MTRR: variants seen among roughly 807,000 people sequenced by gnomAD.
MTRR encodes the protein methionine synthase reductase.
MTRR carries 63 observed loss-of-function variants against 79.2 expected under a neutral mutation model. The ratio of observed to expected loss-of-function variants is 0.80; its 90% confidence interval spans 0.65 to 0.98. MTRR has a LOEUF of 0.98. MTRR is among the 50% of genes least tolerant of loss of function. The pLI is 0.00. For synonymous variants in MTRR, 355 were observed against 313.3 expected (o/e 1.13, Z -1.41); for missense variants, 895 against 839.6 (o/e 1.07, Z -0.82).
upstream of MTRR, among the ~76,000 whole-genome samples, chr5:7,865,441 T>C (rs1220757307): frequency 6.6e-6 from 1 of 152,190 alleles, no homozygotes; most frequent in Non-Finnish European, 1.5e-5. Flanking sequence ...TATAGGTCTT[T>C]ATGGGAAGAG....
rs150411351 is a variant in MTRR at position 7,892,893 on chromosome 5, G to A, written c.1537G>A (p.Gly513Arg). 1.2e-4 allele frequency: 192 copies of A among 1,614,120 alleles called. No homozygotes were observed. The highest frequency in any genetic ancestry group is 6.0e-4 in the South Asian group (55 of 91,084). The change falls in exon 11 of 15, where the codon GGG becomes AGG. Residue 513 changes from glycine to arginine, a missense_variant. Gly to Arg is a moderately radical substitution (Grantham distance 125). Coordinates refer to ENST00000440940, the MANE Select transcript of MTRR (RefSeq NM_002454.3). The stretch of plus-strand genomic sequence containing the variant: ...CATACATGCATCCCATGAAGACAGC[G>A]GGAAAGCCCTGGCTCCTAAGGTAAG... ...PNIHASHEDS[G>R]KALAPKISIS... is the part of the protein sequence containing the mutation.
chr5:7,885,682 C>CTTTTTTTTTTT lies in MTRR; in HGVS notation c.904-19_904-18insTTTTTTTTTTT. ...CACGTATAATGTATTTTTTTTTTTT[C>CTTTTTTTTTTT]ATTTTGGCTCTTCTCTAGAATACAG... On this transcript the variant is annotated intron_variant, in intron 6 of 14. Coordinates refer to ENST00000440940, the MANE Select transcript of MTRR (RefSeq NM_002454.3). 1.5e-6 allele frequency: 2 copies of CTTTTTTTTTTT among 1,363,624 alleles called. No individual in the cohort carries two copies. Among genetic ancestry groups the CTTTTTTTTTTT allele is most frequent in the Middle Eastern group, 1.9e-4 (1 of 5,268 alleles). The allele number at this position is 1,363,624 out of a possible 1,614,324, so 84.5% of individuals were successfully genotyped here.
upstream of MTRR, chr5:7,851,091 T>C: frequency 8.1e-7 from 1 of 1,231,550 alleles, no homozygotes; most frequent in Non-Finnish European, 1.0e-6. Flanking sequence ...AGTCGGAGTC[T>C]GCAGGCCTCA....
At chr5:7,863,252 G>A (rs796303270) in intron 2 of MTRR, 44 of 426,010 alleles carry the variant, frequency 1.0e-4, no homozygotes, top group African/African-American at 8.1e-4. Context: ...AGAAAGAAAA[G>A]TAAAGAAGGA....
Position 7,888,789 on chromosome 5 carries a change from G to A in MTRR, c.1147-306G>A, listed in dbSNP as rs536162662. Among the ~76,000 whole-genome samples the A allele has an allele frequency of 7.2e-5, 11 of 152,282 alleles. 1 individual carries two copies. In the South Asian group the frequency reaches 2.3e-3, roughly 32 times the overall value. On this transcript the variant is annotated intron_variant, in intron 8 of 14. Coordinates refer to ENST00000440940, the MANE Select transcript of MTRR (RefSeq NM_002454.3). Reference sequence around the variant, plus strand: ...TATGTCTGCCTGTAATTAATAACTTGTAATTGCATTGAAATAAAAAATTCT... The same window carrying A: ...TATGTCTGCCTGTAATTAATAACTTATAATTGCATTGAAATAAAAAATTCT...
rs1736848012 is a variant in MTRR, at chr5:7,887,812, AT to A, written c.1146+1110del. Among the ~76,000 whole-genome samples, 7 of 43,380 alleles carry A rather than the reference AT, an allele frequency of 1.6e-4. 1 individual carries two copies. 28.5% of individuals were successfully genotyped at this position (43,380 alleles called of 152,430 possible). A position where few individuals can be genotyped will look rare whatever the true frequency, so the allele number is the denominator to read the frequency against. On this transcript the variant is annotated intron_variant, in intron 8 of 14. Transcript: ENST00000440940. ...TGTGTGCATATATATATATATATAT[AT>A]ATATATATATATATATATGGGTTTT...
At position 7,900,224 on chromosome 5, in the gene MTRR, G is replaced by A. The variant is rs369622221; in HGVS notation, c.*166G>A. ...ATTTAACAATATAACAAAACTTCCT[G>A]ATTTGATTTTACGTATCTTCTATCT... On this transcript the variant is annotated 3_prime_UTR_variant, in exon 15 of 15. Transcript: ENST00000440940. 42 of 795,166 alleles carry A rather than the reference G, an allele frequency of 5.3e-5. 2 individuals carry two copies. Among genetic ancestry groups the A allele is most frequent in the East Asian group, 2.7e-4 (10 of 36,718 alleles). 49.3% of individuals were successfully genotyped at this position (795,166 alleles called of 1,614,324 possible).
At chr5:7,892,940 C>T (rs1737872932) in intron 11 of MTRR, 27 bp downstream of exon 11, 1 of 1,598,820 alleles carries the variant, frequency 6.3e-7, no homozygotes, top group Non-Finnish European at 8.6e-7. Flanking sequence ...TTAACCTCAG[C>T]ATTGTTAACT....
chr5:7,892,222 C>T (rs1029000033), intron 10 of MTRR, among the ~76,000 whole-genome samples: 1 of 152,128 alleles, frequency 6.6e-6, no homozygotes, highest in African/African-American at 2.4e-5. Flanking sequence ...AACTCAAGTT[C>T]TTTCGCATTA....
At chr5:7,892,660 A>T (rs1276753758) in intron 10 of MTRR, 67 bp from the exon 11 acceptor site, 1 of 1,457,042 alleles carries the variant, frequency 6.9e-7, no homozygotes, top group Non-Finnish European at 9.6e-7. Flanking sequence ...GAATAAAAGG[A>T]TTGGTTTGAC....
chr5:7,883,309 A>G (rs374949583), intron 6 of MTRR, 32 bp downstream of exon 6: 10 of 1,613,570 alleles, frequency 6.2e-6, no homozygotes, highest in Non-Finnish European at 8.5e-6. Context: ...TCAGCACAGT[A>G]ATATTGTCAG....
At chr5:7,894,249 A>T (rs1738128063) in intron 11 of MTRR, among the ~76,000 whole-genome samples, 2 of 152,268 alleles carry the variant, frequency 1.3e-5, no homozygotes, top group Admixed American at 6.5e-5. Context: ...ATTACAAATT[A>T]TACAGAATGT....
upstream of MTRR, chr5:7,867,877 A>G: frequency 6.2e-7 from 1 of 1,614,068 alleles, no homozygotes; most frequent in Non-Finnish European, 8.5e-7. Context: ...GGTCATTTCC[A>G]TTTTTCGAAT....
chr5:7,858,819 T>C (rs758990530), intron 1 of MTRR, among the ~76,000 whole-genome samples: 2 of 151,988 alleles, frequency 1.3e-5, no homozygotes, highest in Non-Finnish European at 2.9e-5. Flanking sequence ...AATGAACTAA[T>C]GACAATTTAA....
chr5:7,895,925 G>T, intron 12 of MTRR, 73 bp downstream of exon 12: 1 of 1,584,586 alleles, frequency 6.3e-7, no homozygotes. Flanking sequence ...TCATTTTGAG[G>T]ATAATTGGAC....
chr5:7,881,110 C>T (rs1320128798), intron 5 of MTRR, among the ~76,000 whole-genome samples: 1 of 152,038 alleles, frequency 6.6e-6, no homozygotes, highest in East Asian at 1.9e-4. Context: ...CTTTTACATG[C>T]CTCCTTGATT....
intron 1 of MTRR, among the ~76,000 whole-genome samples, chr5:7,855,272 CAG>C (rs1553995674): frequency 5.3e-5 from 8 of 151,598 alleles, no homozygotes; most frequent in Admixed American, 1.3e-4. Flanking sequence ...TAAATGATGA[CAG>C]GGAATAATAA....
At chr5:7,873,588 T>G in intron 3 of MTRR, 62 bp downstream of exon 3, 5 of 1,559,004 alleles carry the variant, frequency 3.2e-6, no homozygotes, top group Non-Finnish European at 4.4e-6. Context: ...GTATCTGAAT[T>G]ATCTTTCAGA....
chr5:7,878,132 A>T lies in MTRR; in HGVS notation c.590A>T (p.Asp197Val). 2 of 1,614,128 alleles carry T rather than the reference A, an allele frequency of 1.2e-6. No individual in the cohort carries two copies. The highest frequency in any genetic ancestry group is 1.7e-6 in the Non-Finnish European group (2 of 1,180,042). Reference protein sequence around the residue: ...IESQVELLRFDDSGRKDSEVL... With the variant: ...IESQVELLRFVDSGRKDSEVL... ...TCTCAAGTCGAGCTTCTGAGATTCGATGATTCAGGAAGAAAGGATTCTGAG... is the reference window on the plus strand; with the variant it reads ...TCTCAAGTCGAGCTTCTGAGATTCGTTGATTCAGGAAGAAAGGATTCTGAG... The change falls in exon 5 of 15, where the codon GAT (aspartate) becomes GTT (valine). Residue 197 changes from aspartate (D) to valine (V), a missense_variant. Asp to Val is a radical substitution (Grantham distance 152, BLOSUM62 -3). Transcript: ENST00000440940.
Sources: allele counts gnomAD v4.1 joint callset (sites outside exome capture counted in the v4.1 genomes callset), GRCh38; gene constraint gnomAD v4.1.1; transcripts MANE v1.5; gene names NCBI Gene and HGNC (gene_info 2026-07-23, HGNC 2026-07-21).